Variants in VWA3B observed in about 807,000 individuals in gnomAD.
VWA3B encodes von Willebrand factor A domain-containing protein 3B.
VWA3B carries 138 observed loss-of-function variants against 158.3 expected under a neutral mutation model. That is an observed-to-expected ratio of 0.87 (90% confidence interval 0.76 to 1.00). The LOEUF (loss-of-function observed/expected upper bound fraction) is 1.00. Ranked by LOEUF, VWA3B falls within the 50% of genes least tolerant of loss-of-function variation. The probability of loss-of-function intolerance (pLI) is 0.00; values close to 1 mark genes in which losing one functional copy is unlikely to be tolerated. For missense variants in VWA3B, 1,555 were observed against 1,565.1 expected (o/e 0.99, Z 0.11); for synonymous variants, 596 against 587.3 (o/e 1.01, Z -0.21).
chr2:98,263,436 G>A (rs1471816740), intron 21 of VWA3B, among the ~76,000 whole-genome samples: 1 of 151,888 alleles, frequency 6.6e-6, no homozygotes, highest in Non-Finnish European at 1.5e-5. Context: ...AGTTTGCTGA[G>A]TGTTTTTATC....
intron 24 of VWA3B, among the ~76,000 whole-genome samples, chr2:98,298,475 CCCCAT>C (rs1267887462): frequency 3.4e-5 from 5 of 148,918 alleles, no homozygotes; most frequent in Non-Finnish European, 7.4e-5. Context: ...TGCCATCCCA[CCCCAT>C]CCCATCCCAT....
intron 19 of VWA3B, among the ~76,000 whole-genome samples, chr2:98,237,836 A>G (rs919190887): frequency 6.6e-6 from 1 of 152,108 alleles, no homozygotes; most frequent in African/African-American, 2.4e-5. Flanking sequence ...ATGCTTGGGG[A>G]TGCTTGGGGT....
intron 12 of VWA3B, among the ~76,000 whole-genome samples, chr2:98,204,988 G>A (rs112415978): frequency 0.047 from 7,186 of 152,236 alleles, 254 homozygotes; most frequent in Middle Eastern, 0.082. Flanking sequence ...ACAGATGCCT[G>A]TAATCCCAGC....
intron 25 of VWA3B, among the ~76,000 whole-genome samples, chr2:98,301,713 CGTTT>C (rs1216140979): frequency 1.3e-5 from 2 of 152,198 alleles, no homozygotes; most frequent in African/African-American, 4.8e-5. Flanking sequence ...TCTGTTGGAT[CGTTT>C]GTCTTTTTTA....
At chr2:98,232,936 G>A (rs1451612359) in intron 16 of VWA3B, among the ~76,000 whole-genome samples, 1 of 152,136 alleles carries the variant, frequency 6.6e-6, no homozygotes, top group African/African-American at 2.4e-5. Flanking sequence ...ATTGCTGGCA[G>A]GGAGGAGGGC....
At chr2:98,113,434 G>T (rs572332148) in intron 2 of VWA3B, among the ~76,000 whole-genome samples, 1 of 151,626 alleles carries the variant, frequency 6.6e-6, no homozygotes, top group Non-Finnish European at 1.5e-5. Context: ...TCCACATTTG[G>T]TTGAAAAAAA....
chr2:98,128,032 C>T (rs1675519966), intron 5 of VWA3B: 2 of 536,316 alleles, frequency 3.7e-6, no homozygotes. Flanking sequence ...AGACAATAGC[C>T]ACTGTTGACA....
At chr2:98,300,636 G>T (rs1348662451) in intron 25 of VWA3B, among the ~76,000 whole-genome samples, 1 of 151,926 alleles carries the variant, frequency 6.6e-6, no homozygotes, top group Non-Finnish European at 1.5e-5. Flanking sequence ...CGCTAGTGCT[G>T]TCCTCCTCTG....
chr2:98,088,009 T>A (rs1681986167), intron 1 of VWA3B, among the ~76,000 whole-genome samples: 1 of 152,186 alleles, frequency 6.6e-6, no homozygotes, highest in East Asian at 1.9e-4. Flanking sequence ...TCCGTTTCAA[T>A]ATCCTTGTCT....
chr2:98,144,186 T>C (rs1336482060), intron 7 of VWA3B, among the ~76,000 whole-genome samples: 2 of 152,212 alleles, frequency 1.3e-5, no homozygotes, highest in Non-Finnish European at 2.9e-5. Context: ...TGCATGGTTA[T>C]ATGTGTATAC....
At position 98,181,105 on chromosome 2, in the gene VWA3B, C is replaced by A; in HGVS notation, c.1204C>A (p.Gln402Lys). ...TWLQKYGLKA[Q>K]KLSLYDVLAD... ...GCTGCAGAAATATGGCTTGAAGGCC[C>A]AGAAGCTATCCTTGTATGATGTGCT... The change falls in exon 9 of 28, where the codon CAG becomes AAG. Residue 402 changes from glutamine (Q) to lysine (K), a missense_variant. Coordinates refer to ENST00000477737, the MANE Select transcript of VWA3B (RefSeq NM_144992.5). 2 of 1,614,210 alleles carry A rather than the reference C, an allele frequency of 1.2e-6. No homozygotes were observed. Among genetic ancestry groups the A allele is most frequent in the Non-Finnish European group, 1.7e-6 (2 of 1,180,036 alleles).
chr2:98,195,169 T>C lies in VWA3B; in HGVS notation c.1737+677T>C, dbSNP rs74262316. On this transcript the variant is annotated intron_variant, in intron 12 of 27. Coordinates refer to ENST00000477737, the MANE Select transcript of VWA3B (RefSeq NM_144992.5). ...TTCTTAAAAAGTCAAATATAGGAGC[T>C]GGACATCGTGGTGCACACCTGTAGT... Among the ~76,000 whole-genome samples, 522 of 152,334 alleles carry C rather than the reference T, an allele frequency of 3.4e-3. 27 individuals are homozygous for C. In the East Asian group the frequency reaches 0.089, roughly 26 times the overall value.
At chr2:98,218,093 T>C in intron 14 of VWA3B, 65 bp downstream of exon 14, 1 of 1,491,504 alleles carries the variant, frequency 6.7e-7, no homozygotes, top group South Asian at 1.3e-5. Context: ...TGGCGGTCCC[T>C]GGGTAATACC....
intron 22 of VWA3B, among the ~76,000 whole-genome samples, chr2:98,274,102 A>G (rs4851123): frequency 0.42 from 63,907 of 152,060 alleles, 13,812 homozygotes; most frequent in Admixed American, 0.47. Flanking sequence ...GGTGTTGAGT[A>G]GCCTCTCTCA....
intron 19 of VWA3B, among the ~76,000 whole-genome samples, chr2:98,249,703 C>T (rs1686671578): frequency 6.6e-6 from 1 of 151,982 alleles, no homozygotes; most frequent in Admixed American, 6.6e-5. Context: ...AAAAAGAAGC[C>T]TCATTTATTG....
Position 98,119,532 on chromosome 2 carries a change from T to G in VWA3B, c.311T>G (p.Leu104Arg), listed in dbSNP as rs1480989386. ...ATTAAGCTGACAGCTAAATCAGAACTGATTTATCAGTTTGTGGAACATTTA... is the reference window on the plus strand; with the variant it reads ...ATTAAGCTGACAGCTAAATCAGAACGGATTTATCAGTTTGTGGAACATTTA... ...RVYNLTAKSE[L>R]IYQFVEHLTQ... The change falls in exon 4 of 28, where the codon CTG (leucine) becomes CGG (arginine). Residue 104 changes from leucine (L) to arginine (R), a missense_variant. Leu to Arg is a moderately radical substitution (Grantham distance 102). Coordinates refer to ENST00000477737, the MANE Select transcript of VWA3B (RefSeq NM_144992.5). The G allele has an allele frequency of 2.5e-6, 4 of 1,613,856 alleles. No individual in the cohort carries two copies. Among genetic ancestry groups the G allele is most frequent in the Non-Finnish European group, 3.4e-6 (4 of 1,180,006 alleles).
At chr2:98,105,401 T>G (rs1167995469) in intron 2 of VWA3B, among the ~76,000 whole-genome samples, 1 of 152,230 alleles carries the variant, frequency 6.6e-6, no homozygotes, top group Non-Finnish European at 1.5e-5. Context: ...TTGACATGTA[T>G]GCAATGTGTT....
intron 7 of VWA3B, among the ~76,000 whole-genome samples, chr2:98,142,843 G>A (rs1005415289): frequency 1.3e-5 from 2 of 152,134 alleles, no homozygotes; most frequent in African/African-American, 4.8e-5. Flanking sequence ...TCTAGAGTAC[G>A]ATTGGGAAGC....
intron 2 of VWA3B, among the ~76,000 whole-genome samples, chr2:98,101,159 G>C (rs752112684): frequency 3.3e-5 from 5 of 152,188 alleles, no homozygotes; most frequent in Non-Finnish European, 5.9e-5. Flanking sequence ...AAAATGTACT[G>C]TTTTCCTACT....
Sources: gnomAD v4.1 joint callset for allele counts (sites outside exome capture counted in the v4.1 genomes callset) on GRCh38, gnomAD v4.1.1 for gene constraint, MANE v1.5 for transcripts, NCBI Gene and HGNC (gene_info 2026-07-23, HGNC 2026-07-21) for gene names.